The following GMDS variants were observed in gnomAD, a reference collection of about 807,000 sequenced individuals.
GMDS encodes the protein GDP-mannose 4,6 dehydratase.
A neutral mutation model predicts 49.9 loss-of-function variants in GMDS; 20 were observed. That is an observed-to-expected ratio of 0.40 (90% CI 0.28 to 0.58). GMDS has a LOEUF of 0.58. Among genes scored for constraint, GMDS ranks in the 20% least tolerant of loss-of-function variants. The pLI is 0.42. For missense variants in GMDS, 362 were observed against 481.4 expected, an observed-to-expected ratio of 0.75 and a Z score of 2.32; for synonymous variants, 177 against 178.6, an observed-to-expected ratio of 0.99 and a Z score of 0.07.
At chr6:1,799,995 T>C (rs928597678) in intron 7 of GMDS, among the ~76,000 whole-genome samples, 1 of 152,124 alleles carries the variant, frequency 6.6e-6, no homozygotes, top group African/African-American at 2.4e-5. Flanking sequence ...AAATCCCAGC[T>C]AGCTGCAATG....
chr6:1,891,026 A>G (rs1759844136), intron 7 of GMDS, among the ~76,000 whole-genome samples: 1 of 152,194 alleles, frequency 6.6e-6, no homozygotes, highest in South Asian at 2.1e-4. Flanking sequence ...GTATGGGCTT[A>G]TATTTTAAAA....
intron 4 of GMDS, among the ~76,000 whole-genome samples, chr6:2,090,572 A>G (rs1773260479): frequency 6.6e-6 from 1 of 152,216 alleles, no homozygotes; most frequent in African/African-American, 2.4e-5. Context: ...TTATAAAACG[A>G]CCTGTTTAAA....
Position 1,784,425 on chromosome 6 carries a change from G to A in GMDS, c.772-41839C>T, listed in dbSNP as rs771715137. ...AAAAAAAAAAAAAAAGAAAATTTTC[G>A]CAAAACTCCTTCCCTTTCCCCTGCC... On this transcript the variant is annotated intron_variant, in intron 7 of 10. Transcript: ENST00000380815. Among the ~76,000 whole-genome samples the A allele has an allele frequency of 9.8e-4, 140 of 142,742 alleles. 1 individual carries two copies. Among genetic ancestry groups the A allele is most frequent in the South Asian group, 2.0e-3 (9 of 4,422 alleles). The allele number at this position is 142,742 out of a possible 152,430, so 93.6% of individuals were successfully genotyped here. A position where few individuals can be genotyped will look rare whatever the true frequency, so the allele number is the denominator to read the frequency against.
At chr6:1,889,791 C>A (rs139369847) in intron 7 of GMDS, among the ~76,000 whole-genome samples, 1 of 152,258 alleles carries the variant, frequency 6.6e-6, no homozygotes, top group African/African-American at 2.4e-5. Flanking sequence ...ACCTAGCCCA[C>A]GGCAACTACA....
At chr6:1,629,706 C>T (rs895099064) in intron 9 of GMDS, among the ~76,000 whole-genome samples, 5 of 152,194 alleles carry the variant, frequency 3.3e-5, no homozygotes, top group Admixed American at 6.5e-5. Flanking sequence ...TGACTCCGGA[C>T]GTGCGGTCCA....
At chr6:1,789,696 T>C (rs1769456112) in intron 7 of GMDS, among the ~76,000 whole-genome samples, 4 of 151,930 alleles carry the variant, frequency 2.6e-5, no homozygotes, top group Admixed American at 2.6e-4. Flanking sequence ...CCACCACACT[T>C]GGCTAATTTT....
At chr6:1,819,774 A>ATATAT (rs1554123170) in intron 7 of GMDS, among the ~76,000 whole-genome samples, 31 of 123,782 alleles carry the variant, frequency 2.5e-4, no homozygotes, top group African/African-American at 8.6e-4. Flanking sequence ...AAAAAAAAAA[A>ATATAT]AAATATATAT....
chr6:1,893,435 G>A (rs1452551310), intron 7 of GMDS, among the ~76,000 whole-genome samples: 7 of 151,950 alleles, frequency 4.6e-5, no homozygotes, highest in South Asian at 2.1e-4. Flanking sequence ...TAGGTGATCC[G>A]CCTGCCTCCC....
chr6:1,671,500 G>T (rs747722442), intron 9 of GMDS, among the ~76,000 whole-genome samples: 1 of 152,056 alleles, frequency 6.6e-6, no homozygotes, highest in Non-Finnish European at 1.5e-5. Context: ...TGGGTTTACA[G>T]TCACAATGTA....
chr6:2,032,769 T>C (rs1399097565), intron 4 of GMDS, among the ~76,000 whole-genome samples: 1 of 152,148 alleles, frequency 6.6e-6, no homozygotes, highest in Non-Finnish European at 1.5e-5. Flanking sequence ...AAACTGCTAA[T>C]TCACAGGTAG....
At chr6:2,143,123 C>A (rs114079486) in intron 1 of GMDS, among the ~76,000 whole-genome samples, 1 of 152,208 alleles carries the variant, frequency 6.6e-6, no homozygotes, top group Non-Finnish European at 1.5e-5. Flanking sequence ...GGCTGGAATA[C>A]ATATTTGCTC....
chr6:1,819,634 G>A (rs1013488132), intron 7 of GMDS, among the ~76,000 whole-genome samples: 10 of 151,510 alleles, frequency 6.6e-5, no homozygotes, highest in Admixed American at 5.9e-4. Flanking sequence ...GGGGGCAGGC[G>A]CCTGTCATCC....
chr6:2,174,735 CTT>C (rs1261889690), intron 1 of GMDS, among the ~76,000 whole-genome samples: 1 of 151,764 alleles, frequency 6.6e-6, no homozygotes, highest in African/African-American at 2.4e-5. Flanking sequence ...GCCAGGCTAA[CTT>C]TTTGTATTTT....
At chr6:1,819,776 AAT>A (rs397742149) in intron 7 of GMDS, among the ~76,000 whole-genome samples, 1,113 of 103,396 alleles carry the variant, frequency 0.011, 17 homozygotes, top group African/African-American at 0.029. Flanking sequence ...AAAAAAAAAA[AAT>A]ATATATATAT....
At chr6:1,776,338 C>T (rs989423311) in intron 7 of GMDS, among the ~76,000 whole-genome samples, 3 of 152,090 alleles carry the variant, frequency 2.0e-5, no homozygotes, top group East Asian at 1.9e-4. Context: ...GCCATTATTA[C>T]GAAGAATTAT....
intron 1 of GMDS, among the ~76,000 whole-genome samples, chr6:2,168,409 C>T (rs759866364): frequency 3.3e-5 from 5 of 152,212 alleles, no homozygotes; most frequent in Non-Finnish European, 7.3e-5. Flanking sequence ...AAGGTCACTT[C>T]CCTACAAACA....
intron 4 of GMDS, among the ~76,000 whole-genome samples, chr6:2,076,369 A>G (rs1235738922): frequency 6.6e-6 from 1 of 151,996 alleles, no homozygotes; most frequent in Non-Finnish European, 1.5e-5. Flanking sequence ...CATCCCCATC[A>G]AGCTACCAAT....
intron 1 of GMDS, among the ~76,000 whole-genome samples, chr6:2,209,341 T>C (rs1022154616): frequency 2.6e-5 from 4 of 152,216 alleles, no homozygotes; most frequent in Non-Finnish European, 5.9e-5. Flanking sequence ...CTGAACACAA[T>C]GTACTCTGCA....
chr6:2,066,678 T>C (rs1349872903), intron 4 of GMDS, among the ~76,000 whole-genome samples: 1 of 152,138 alleles, frequency 6.6e-6, no homozygotes, highest in Admixed American at 6.5e-5. Flanking sequence ...TGCCATTACT[T>C]AATGGTAAAG....
Sources: gnomAD v4.1 joint callset for allele counts (sites outside exome capture counted in the v4.1 genomes callset) on GRCh38, gnomAD v4.1.1 for gene constraint, MANE v1.5 for transcripts, NCBI Gene and HGNC (gene_info 2026-07-23, HGNC 2026-07-21) for gene names.